The following DDX6 variants were observed in gnomAD, a reference collection of about 807,000 sequenced individuals.
The protein encoded by DDX6 is DEAD-box helicase 6, also known as probable ATP-dependent RNA helicase DDX6.
A neutral mutation model predicts 60.6 loss-of-function variants in DDX6; 7 were observed. That is an observed-to-expected ratio of 0.12 (90% CI 0.07 to 0.22). DDX6 has a LOEUF of 0.22. Ranked by LOEUF, DDX6 falls within the 10% of genes least tolerant of loss-of-function variation. DDX6 has a pLI of 1.00. For missense variants in DDX6, 270 were observed against 589.9 expected, an observed-to-expected ratio of 0.46 and a Z score of 5.62; for synonymous variants, 207 against 201.0, an observed-to-expected ratio of 1.03 and a Z score of -0.25.
At chr11:118,774,654 A>C (rs1861641070) in intron 4 of DDX6, among the ~76,000 whole-genome samples, 1 of 151,782 alleles carries the variant, frequency 6.6e-6, no homozygotes, top group Non-Finnish European at 1.5e-5. Context: ...GAACCCCTGG[A>C]CTCAAGCAAT....
intron 13 of DDX6, among the ~76,000 whole-genome samples, chr11:118,752,622 G>A (rs1555157705): frequency 2.0e-5 from 3 of 151,700 alleles, no homozygotes; most frequent in African/African-American, 7.3e-5. Flanking sequence ...AAAAAAGAAA[G>A]AGAAAAAAAA....
rs551201488 is a variant in DDX6, at chr11:118,755,506, TAAAA to T, written c.1175-7_1175-4del. ...ATCAATACCTCGGGTAAACAGATCT[TAAAA>T]AAAAAAAGATAATTTTCATTTTTTC... On this transcript the variant is annotated splice_region_variant and splice_polypyrimidine_tract_variant and intron_variant, in intron 11 of 13. Coordinates refer to ENST00000534980, the MANE Select transcript of DDX6 (RefSeq NM_004397.6). 8.1e-7 allele frequency: 1 copy of T among 1,239,686 alleles called. No homozygotes were observed. The highest frequency in any genetic ancestry group is 2.1e-5 in the Admixed American group (1 of 46,960). The allele number at this position is 1,239,686 out of a possible 1,614,324, so 76.8% of individuals were successfully genotyped here.
At chr11:118,757,744 C>T (rs1475948054) in intron 9 of DDX6, among the ~76,000 whole-genome samples, 1 of 152,130 alleles carries the variant, frequency 6.6e-6, no homozygotes, top group African/African-American at 2.4e-5. Context: ...GCACCCACCA[C>T]AATGCCTGGC....
chr11:118,781,745 T>A (rs1328210251), intron 2 of DDX6, among the ~76,000 whole-genome samples: 2 of 147,286 alleles, frequency 1.4e-5, no homozygotes, highest in Admixed American at 6.8e-5. Context: ...CTGGCCAATA[T>A]GGTGAAACCC....
intron 7 of DDX6, among the ~76,000 whole-genome samples, chr11:118,761,821 C>T (rs1297773947): frequency 2.1e-5 from 3 of 140,856 alleles, no homozygotes; most frequent in African/African-American, 8.0e-5. Flanking sequence ...AACTACTTGA[C>T]AGGATACCTA....
chr11:118,789,612 T>TA (rs1329363465), intron 1 of DDX6: 1 of 152,174 alleles, frequency 6.6e-6, no homozygotes, highest in Non-Finnish European at 1.5e-5. Flanking sequence ...CTTAAGCAGA[T>TA]ATGGTTAACA....
chr11:118,758,333 A>T (rs2137428508), intron 9 of DDX6, among the ~76,000 whole-genome samples: 1 of 152,296 alleles, frequency 6.6e-6, no homozygotes, highest in South Asian at 2.1e-4. Context: ...GTCAACAACT[A>T]AACCTGCCTT....
rs1403361665 is a variant in DDX6 at position 118,774,542 on chromosome 11, CACTT to C, written c.369+5086_369+5089del. 2.1e-5 allele frequency among the ~76,000 whole-genome samples: 3 copies of C among 145,018 alleles called. No individual in the cohort carries two copies. In the Admixed American group the frequency reaches 2.2e-4, roughly 11 times the overall value. On this transcript the variant is annotated intron_variant, in intron 4 of 13. Transcript: ENST00000534980. ...GGAGTGCAGTGACACAATCCTGGCTCACTTACAGCCTCAACCTCCTGAACATCTA... is the reference window on the plus strand; with the variant it reads ...GGAGTGCAGTGACACAATCCTGGCTCACAGCCTCAACCTCCTGAACATCTA...
At chr11:118,786,821 C>G (rs1286089485) in intron 1 of DDX6, 2 of 152,474 alleles carry the variant, frequency 1.3e-5, no homozygotes, top group African/African-American at 4.8e-5. Context: ...GTTTCCTCCC[C>G]ATGAATTCTC....
At chr11:118,764,951 C>T (rs1238847755) in intron 6 of DDX6, among the ~76,000 whole-genome samples, 3 of 152,072 alleles carry the variant, frequency 2.0e-5, no homozygotes, top group Non-Finnish European at 4.4e-5. Flanking sequence ...CTCACATTAT[C>T]GTCTACTAAT....
At chr11:118,758,082 C>G (rs539194952) in intron 9 of DDX6, among the ~76,000 whole-genome samples, 4 of 152,296 alleles carry the variant, frequency 2.6e-5, no homozygotes, top group African/African-American at 9.6e-5. Flanking sequence ...TCTTCGACCT[C>G]AGCTGGGAAT....
At chr11:118,785,830 TTGTG>T (rs1271345913) in intron 2 of DDX6, 3 of 403,260 alleles carry the variant, frequency 7.4e-6, no homozygotes, top group Admixed American at 4.3e-5. Flanking sequence ...TATACAAAAT[TTGTG>T]TGTATCATCT....
chr11:118,763,165 G>T, intron 7 of DDX6, 47 bp downstream of exon 7: 1 of 1,341,374 alleles, frequency 7.5e-7, no homozygotes, highest in Non-Finnish European at 1.0e-6. Context: ...TATAAGCAAA[G>T]CACAGAAAAG....
Position 118,747,779 on chromosome 11 carries a change from G to C in DDX6, c.*4326C>G, listed in dbSNP as rs1428657278. 1.3e-5 allele frequency: 2 copies of C among 151,998 alleles called. No homozygotes were observed. Among genetic ancestry groups the C allele is most frequent in the African/African-American group, 4.8e-5 (2 of 41,360 alleles). The allele number at this position is 151,998 out of a possible 1,614,324, so 9.4% of individuals were successfully genotyped here. A position where few individuals can be genotyped will look rare whatever the true frequency, so the allele number is the denominator to read the frequency against. On this transcript the variant is annotated 3_prime_UTR_variant, in exon 14 of 14. Coordinates refer to ENST00000534980, the MANE Select transcript of DDX6 (RefSeq NM_004397.6). ...ACACACACATTTGGAGTTCCAGTGG[G>C]CTTTTATTGAGATAAATTAACAAAA... is the stretch of plus-strand genomic sequence containing the variant.
In DDX6 at chr11:118,773,326, T is replaced by C. The variant is rs566614431; in HGVS notation, c.370-4974A>G. 2.6e-5 allele frequency among the ~76,000 whole-genome samples: 4 copies of C among 151,972 alleles called. No individual in the cohort carries two copies. In the South Asian group the frequency reaches 8.3e-4, roughly 32 times the overall value. ...GGCTCACGCCTGTAATCCCAACACT[T>C]TGGGAGGCCGAGGTGGGCAGACCAT... On this transcript the variant is annotated intron_variant, in intron 4 of 13. Transcript: ENST00000534980.
chr11:118,769,430 ATTTTAATATTTGGCTTACTTTGT>A (rs1399378856), intron 4 of DDX6, among the ~76,000 whole-genome samples: 3 of 152,220 alleles, frequency 2.0e-5, no homozygotes, highest in Non-Finnish European at 2.9e-5. Context: ...GTGACCTCTC[ATTTTAATATTTGGCTTACTTTGT>A]TATCTATTTT....
At chr11:118,758,722 G>C (rs1555159539) in intron 9 of DDX6, 52 bp downstream of exon 9, 16 of 1,598,278 alleles carry the variant, frequency 1.0e-5, no homozygotes, top group Admixed American at 3.4e-5. Context: ...GAAATCATCT[G>C]TTTTACTGGG....
At chr11:118,760,605 G>A (rs558748931) in intron 7 of DDX6, among the ~76,000 whole-genome samples, 11 of 144,706 alleles carry the variant, frequency 7.6e-5, no homozygotes, top group African/African-American at 2.3e-4. Context: ...GGAGAATCAC[G>A]AGGTCAAGAG....
chr11:118,764,341 T>C (rs572468309), intron 6 of DDX6, among the ~76,000 whole-genome samples: 1 of 152,296 alleles, frequency 6.6e-6, no homozygotes, highest in Admixed American at 6.5e-5. Flanking sequence ...ACTTTACTCT[T>C]TAATGACTAT....
Sources: allele counts gnomAD v4.1 joint callset (sites outside exome capture counted in the v4.1 genomes callset), GRCh38; gene constraint gnomAD v4.1.1; transcripts MANE v1.5; gene names NCBI Gene and HGNC (gene_info 2026-07-23, HGNC 2026-07-21).